KCNIP4: variants seen among roughly 807,000 people sequenced by gnomAD.
KCNIP4 encodes the protein potassium voltage-gated channel interacting protein 4.
Under a neutral mutation model 34.0 loss-of-function variants are expected in KCNIP4, and 12 were observed. That is an observed-to-expected ratio of 0.35 (90% CI 0.23 to 0.57). KCNIP4 has a LOEUF of 0.57. Among genes scored for constraint, KCNIP4 ranks in the 20% least tolerant of loss-of-function variants. The probability of loss-of-function intolerance (pLI) is 0.83; values close to 1 mark genes in which losing one functional copy is unlikely to be tolerated. For synonymous variants in KCNIP4, 124 were observed against 102.2 expected, an observed-to-expected ratio of 1.21 and a Z score of -1.29; for missense variants, 238 against 311.7, an observed-to-expected ratio of 0.76 and a Z score of 1.78.
chr4:20,950,867 C>G (rs1732711605), intron 1 of KCNIP4, among the ~76,000 whole-genome samples: 1 of 152,006 alleles, frequency 6.6e-6, no homozygotes, highest in African/African-American at 2.4e-5. Flanking sequence ...TTTTGCTTAC[C>G]TTTTTTTCTT....
intron 1 of KCNIP4, among the ~76,000 whole-genome samples, chr4:21,041,674 G>T (rs1303258794): frequency 6.6e-6 from 1 of 152,136 alleles, no homozygotes; most frequent in East Asian, 1.9e-4. Context: ...ATGCAAAGAA[G>T]CTAAAAATGA....
At chr4:21,240,087 A>G (rs1218623813) in intron 1 of KCNIP4, among the ~76,000 whole-genome samples, 1 of 151,832 alleles carries the variant, frequency 6.6e-6, no homozygotes, top group African/African-American at 2.4e-5. Flanking sequence ...ACATGGATGA[A>G]GCTGGAAACC....
At chr4:21,807,736 AC>A (rs1423061649) in intron 1 of KCNIP4, among the ~76,000 whole-genome samples, 5 of 152,160 alleles carry the variant, frequency 3.3e-5, no homozygotes, top group African/African-American at 1.2e-4. Context: ...ACTTAATGGG[AC>A]AAAATTTCTG....
At chr4:21,035,021 A>T (rs982195571) in intron 1 of KCNIP4, among the ~76,000 whole-genome samples, 1 of 152,198 alleles carries the variant, frequency 6.6e-6, no homozygotes, top group Admixed American at 6.5e-5. Context: ...AAGACAACCC[A>T]ATAAGGATCC....
intron 1 of KCNIP4, among the ~76,000 whole-genome samples, chr4:21,630,977 C>A (rs555150508): frequency 6.6e-6 from 1 of 152,298 alleles, no homozygotes; most frequent in East Asian, 1.9e-4. Context: ...GCCCCTTGCA[C>A]CTTCCGAAAT....
intron 1 of KCNIP4, among the ~76,000 whole-genome samples, chr4:21,372,065 G>A (rs1399236769): frequency 6.8e-6 from 1 of 147,164 alleles, no homozygotes; most frequent in Non-Finnish European, 1.5e-5. Context: ...TGCTTCAGAA[G>A]AATGTTTGAT....
At chr4:21,832,143 A>G (rs1430364006) in intron 1 of KCNIP4, among the ~76,000 whole-genome samples, 3 of 152,212 alleles carry the variant, frequency 2.0e-5, no homozygotes, top group African/African-American at 7.2e-5. Flanking sequence ...CAAAAATCAT[A>G]TAATTCTTTC....
intron 1 of KCNIP4, among the ~76,000 whole-genome samples, chr4:20,899,596 T>A (rs1164789573): frequency 6.6e-6 from 1 of 152,222 alleles, no homozygotes; most frequent in Non-Finnish European, 1.5e-5. Flanking sequence ...GTATGCAATT[T>A]TGAAATAGGA....
intron 1 of KCNIP4, among the ~76,000 whole-genome samples, chr4:21,375,757 G>A (rs1463875680): frequency 1.3e-5 from 2 of 151,622 alleles, no homozygotes; most frequent in African/African-American, 4.8e-5. Flanking sequence ...TTTAGTAGAG[G>A]CGGGGTTTCA....
At chr4:21,751,821 G>C (rs1334156584) in intron 1 of KCNIP4, among the ~76,000 whole-genome samples, 2 of 152,096 alleles carry the variant, frequency 1.3e-5, no homozygotes, top group Non-Finnish European at 2.9e-5. Flanking sequence ...GGGAGGATGA[G>C]TATTAAAACA....
chr4:21,881,754 A>C (rs1257465663), intron 1 of KCNIP4, among the ~76,000 whole-genome samples: 1 of 152,184 alleles, frequency 6.6e-6, no homozygotes, highest in Non-Finnish European at 1.5e-5. Context: ...GGTGAATTGC[A>C]AGTAGTCCAT....
chr4:21,032,262 T>C (rs1314014645), intron 1 of KCNIP4, among the ~76,000 whole-genome samples: 1 of 152,120 alleles, frequency 6.6e-6, no homozygotes, highest in Admixed American at 6.5e-5. Flanking sequence ...CTGTTTTGTG[T>C]TGTGTTTGCG....
At chr4:21,580,223 G>A (rs1577633137) in intron 1 of KCNIP4, among the ~76,000 whole-genome samples, 2 of 152,202 alleles carry the variant, frequency 1.3e-5, no homozygotes, top group East Asian at 3.9e-4. Flanking sequence ...CCTTGAGCCA[G>A]AGACTCTTTT....
chr4:21,433,159 C>T (rs1286980769), intron 1 of KCNIP4, among the ~76,000 whole-genome samples: 2 of 152,112 alleles, frequency 1.3e-5, no homozygotes, highest in Non-Finnish European at 2.9e-5. Context: ...AAATGAGATT[C>T]GCTTAAACCA....
intron 1 of KCNIP4, among the ~76,000 whole-genome samples, chr4:21,767,569 G>A (rs532541553): frequency 6.6e-6 from 1 of 151,826 alleles, no homozygotes; most frequent in Non-Finnish European, 1.5e-5. Context: ...ACCTCTTTGG[G>A]GTTAATTAGC....
intron 1 of KCNIP4, among the ~76,000 whole-genome samples, chr4:21,062,530 A>G (rs985092942): frequency 1.0e-4 from 15 of 149,298 alleles, no homozygotes; most frequent in East Asian, 6.0e-4. Context: ...GTGTGTGTGC[A>G]TGTGTGTGTG....
At chr4:20,771,574 T>G (rs550715779) in intron 3 of KCNIP4, among the ~76,000 whole-genome samples, 13 of 152,260 alleles carry the variant, frequency 8.5e-5, no homozygotes, top group African/African-American at 2.9e-4. Flanking sequence ...ATTACGGTGG[T>G]GGGTGCGCAT....
chr4:21,649,568 T>C (rs1747310933), intron 1 of KCNIP4, among the ~76,000 whole-genome samples: 1 of 152,206 alleles, frequency 6.6e-6, no homozygotes. Context: ...TTCAAGCATG[T>C]GATCCATAGT....
intron 1 of KCNIP4, among the ~76,000 whole-genome samples, chr4:21,262,846 G>C (rs552255825): frequency 6.6e-6 from 1 of 152,244 alleles, no homozygotes; most frequent in Admixed American, 6.5e-5. Flanking sequence ...TTGTTCACTT[G>C]TCTATATCTC....
Sources: allele counts gnomAD v4.1 joint callset (sites outside exome capture counted in the v4.1 genomes callset), GRCh38; gene constraint gnomAD v4.1.1; transcripts MANE v1.5; gene names NCBI Gene and HGNC (gene_info 2026-07-23, HGNC 2026-07-21).